ERAP1: variants seen among roughly 807,000 people sequenced by gnomAD.
ERAP1 encodes the protein endoplasmic reticulum aminopeptidase 1.
Under a neutral mutation model 103.7 loss-of-function variants are expected in ERAP1, and 86 were observed. The observed-to-expected ratio is 0.83, with a 90% CI of 0.70 to 0.99. ERAP1 has a LOEUF of 0.99. Ranked by LOEUF, ERAP1 falls within the 50% of genes least tolerant of loss-of-function variation. ERAP1 has a pLI of 0.00. For missense variants in ERAP1, 1,009 were observed against 1,128.4 expected (o/e 0.89, Z 1.52); for synonymous variants, 398 against 402.4 (o/e 0.99, Z 0.13).
At chr5:96,782,691 T>C (rs73775928) in intron 15 of ERAP1, among the ~76,000 whole-genome samples, 20 of 152,356 alleles carry the variant, frequency 1.3e-4, no homozygotes, top group African/African-American at 4.6e-4. Context: ...GCAATTACTA[T>C]GCATCCCTGT....
At chr5:96,900,909 C>T in the ERAP1 span, among the ~76,000 whole-genome samples, 1 of 152,114 alleles carries the variant, frequency 6.6e-6, no homozygotes, top group African/African-American at 2.4e-5. Context: ...AGGCAATTCG[C>T]CCACCTTGGC....
intron 1 of ERAP1, chr5:96,804,392 A>G (rs1305648729): frequency 3.8e-6 from 1 of 262,152 alleles, no homozygotes; most frequent in African/African-American, 2.3e-5. Flanking sequence ...CCCCACTGAC[A>G]CTGGACCTTG....
chr5:96,880,133 C>T, the ERAP1 span: 5 of 1,614,126 alleles, frequency 3.1e-6, no homozygotes, highest in East Asian at 2.2e-5. Flanking sequence ...ACAAATTGCA[C>T]TGCTGGTTCC....
intron 17 of ERAP1, 40 bp from the exon 18 acceptor site, chr5:96,780,544 T>TAAA: frequency 2.0e-6 from 3 of 1,474,058 alleles, no homozygotes; most frequent in Non-Finnish European, 2.8e-6. Context: ...GTGAAATACT[T>TAAA]ATTCATTTAA....
At chr5:96,879,623 C>A in the ERAP1 span, 2 of 1,344,560 alleles carry the variant, frequency 1.5e-6, no homozygotes, top group Non-Finnish European at 2.1e-6. Context: ...GGAGCCAGTG[C>A]AGTGCCATGA....
the ERAP1 span, chr5:96,879,835 TG>T: frequency 3.1e-6 from 5 of 1,614,134 alleles, no homozygotes; most frequent in Non-Finnish European, 4.2e-6. Flanking sequence ...CTGAGGATCC[TG>T]GGGCTTTCCC....
the ERAP1 span, among the ~76,000 whole-genome samples, chr5:96,862,923 T>C: frequency 2.6e-5 from 4 of 152,178 alleles, no homozygotes; most frequent in Non-Finnish European, 5.9e-5. Flanking sequence ...CCTACCAAAA[T>C]GCCTTGGACC....
chr5:96,762,457 G>A, exon 20 of ERAP1: 1 of 888,016 alleles, frequency 1.1e-6, no homozygotes, highest in South Asian at 1.9e-5. Flanking sequence ...TAAAGCAAAT[G>A]AAAATAGGCA....
chr5:96,765,538 G>C (rs1769614360), intron 19 of ERAP1, among the ~76,000 whole-genome samples: 1 of 152,128 alleles, frequency 6.6e-6, no homozygotes, highest in African/African-American at 2.4e-5. Context: ...TCCCTGAGGG[G>C]ATTCTGGGAG....
intron 15 of ERAP1, 137 bp downstream of exon 15, chr5:96,782,914 A>AAAGCAATT: frequency 1.2e-6 from 1 of 866,592 alleles, no homozygotes; most frequent in Non-Finnish European, 1.9e-6. Context: ...TAAATCTTAA[A>AAAGCAATT]AAGCAATTTA....
At chr5:96,883,519 G>A in the ERAP1 span, among the ~76,000 whole-genome samples, 2 of 152,186 alleles carry the variant, frequency 1.3e-5, no homozygotes, top group Admixed American at 1.3e-4. Context: ...GGTCATTCAA[G>A]TTGTCTGAGC....
At chr5:96,765,910 T>A (rs1769772867) in intron 19 of ERAP1, 2 of 570,630 alleles carry the variant, frequency 3.5e-6, no homozygotes, top group Non-Finnish European at 6.4e-6. Context: ...TCATCTGTGT[T>A]GTTCTGTTGC....
At chr5:96,772,609 T>C (rs1772871071), downstream of ERAP1, 1 of 152,750 alleles carries the variant, frequency 6.5e-6, no homozygotes, top group South Asian at 2.1e-4. Flanking sequence ...TATTAAATGA[T>C]TCACTGCATT....
At chr5:96,895,385 A>G in the ERAP1 span, 1 of 1,391,982 alleles carries the variant, frequency 7.2e-7, no homozygotes. Flanking sequence ...TGTGTATCAT[A>G]CTATATGGTG....
the ERAP1 span, chr5:96,896,734 A>G: frequency 6.4e-7 from 1 of 1,570,548 alleles, no homozygotes; most frequent in Non-Finnish European, 8.6e-7. Context: ...TTTTAAAGGG[A>G]GCTTGTATTT....
At chr5:96,801,214 T>C (rs1460520349) in intron 2 of ERAP1, among the ~76,000 whole-genome samples, 1 of 152,162 alleles carries the variant, frequency 6.6e-6, no homozygotes, top group Non-Finnish European at 1.5e-5. Context: ...TAACACATTT[T>C]TGGGAGGTTG....
the ERAP1 span, among the ~76,000 whole-genome samples, chr5:96,932,645 T>C: frequency 6.6e-6 from 1 of 152,212 alleles, no homozygotes. Flanking sequence ...TAGACAGTAG[T>C]TCCCTCCTTA....
At chr5:96,773,550 A>G (rs1285219265), downstream of ERAP1, 3 of 152,230 alleles carry the variant, frequency 2.0e-5, no homozygotes, top group Non-Finnish European at 2.9e-5. Flanking sequence ...GTCTGGCTTT[A>G]TGGAACTTAA....
the ERAP1 span, among the ~76,000 whole-genome samples, chr5:96,821,790 C>T: frequency 6.6e-6 from 1 of 152,122 alleles, no homozygotes; most frequent in African/African-American, 2.4e-5. Flanking sequence ...GCAGGATATC[C>T]TCAATATAAA....
Sources: allele counts gnomAD v4.1 joint callset (sites outside exome capture counted in the v4.1 genomes callset), GRCh38; gene constraint gnomAD v4.1.1; transcripts MANE v1.5; gene names NCBI Gene and HGNC (gene_info 2026-07-23, HGNC 2026-07-21).